The following THSD4 variants were observed in gnomAD, a reference collection of about 807,000 sequenced individuals.
THSD4 encodes the protein thrombospondin type 1 domain containing 4.
In THSD4, 69 loss-of-function variants were observed where a neutral mutation model predicts 119.0. That is an observed-to-expected ratio of 0.58 (90% confidence interval 0.48 to 0.71). The LOEUF is 0.71. Ranked by LOEUF, THSD4 falls within the 30% of genes least tolerant of loss-of-function variation. The pLI is 0.00. For missense variants in THSD4, 1,393 were observed against 1,391.1 expected (o/e 1.00, Z -0.02); for synonymous variants, 524 against 540.4 (o/e 0.97, Z 0.42).
At chr15:71,660,823 G>A (rs892071256) in intron 8 of THSD4, 89 bp downstream of exon 8, 58 of 1,458,152 alleles carry the variant, frequency 4.0e-5, no homozygotes, top group Middle Eastern at 2.1e-4. Flanking sequence ...AGCAGTGTCC[G>A]AGAGTCCCGG....
intron 7 of THSD4, among the ~76,000 whole-genome samples, chr15:71,490,120 G>A (rs560557038): frequency 6.6e-6 from 1 of 152,184 alleles, no homozygotes; most frequent in East Asian, 1.9e-4. Context: ...AGGCATTCAG[G>A]TGATTCTACT....
intron 8 of THSD4, among the ~76,000 whole-genome samples, chr15:71,723,530 T>C (rs181752440): frequency 3.0e-4 from 46 of 152,342 alleles, no homozygotes; most frequent in African/African-American, 1.1e-3. Flanking sequence ...ATTCAATTCT[T>C]ACTATGTGGT....
intron 7 of THSD4, among the ~76,000 whole-genome samples, chr15:71,501,907 A>G (rs2048118103): frequency 6.6e-6 from 1 of 152,218 alleles, no homozygotes; most frequent in South Asian, 2.1e-4. Flanking sequence ...TGCATGTTAC[A>G]TAATTTCTGC....
At chr15:71,452,595 TA>T (rs1194535328) in intron 7 of THSD4, among the ~76,000 whole-genome samples, 1 of 151,932 alleles carries the variant, frequency 6.6e-6, no homozygotes, top group African/African-American at 2.4e-5. Flanking sequence ...ATGGGGCCTT[TA>T]GGAGGTAAAT....
At chr15:71,203,341 G>C (rs1313658381) in intron 3 of THSD4, among the ~76,000 whole-genome samples, 3 of 152,160 alleles carry the variant, frequency 2.0e-5, no homozygotes, top group African/African-American at 7.2e-5. Context: ...GAGTAACACA[G>C]TAGGGCTAGG....
intron 6 of THSD4, among the ~76,000 whole-genome samples, chr15:71,282,588 A>G (rs2044666203): frequency 6.6e-6 from 1 of 152,252 alleles, no homozygotes; most frequent in South Asian, 2.1e-4. Flanking sequence ...ACATAGGCCA[A>G]CACCCACAGT....
At chr15:71,362,441 A>G (rs751930395) in intron 6 of THSD4, among the ~76,000 whole-genome samples, 3 of 152,224 alleles carry the variant, frequency 2.0e-5, no homozygotes, top group African/African-American at 4.8e-5. Context: ...TACCACTACA[A>G]GCTTCTTTAA....
intron 7 of THSD4, among the ~76,000 whole-genome samples, chr15:71,489,770 A>C (rs2047884837): frequency 6.6e-6 from 1 of 152,198 alleles, no homozygotes. Context: ...AGACGGGAGA[A>C]TGCTGACTTA....
At chr15:71,602,332 T>G (rs983061859) in intron 7 of THSD4, among the ~76,000 whole-genome samples, 12 of 152,068 alleles carry the variant, frequency 7.9e-5, no homozygotes, top group African/African-American at 2.4e-4. Context: ...GATGGGCAGA[T>G]CACCTGAGGT....
At chr15:71,204,326 G>C (rs2043826913) in intron 3 of THSD4, among the ~76,000 whole-genome samples, 1 of 152,144 alleles carries the variant, frequency 6.6e-6, no homozygotes, top group South Asian at 2.1e-4. Context: ...GTTTTGGCTG[G>C]GCCCTGCTTT....
At chr15:71,692,557 G>A (rs1223956799) in intron 8 of THSD4, among the ~76,000 whole-genome samples, 5 of 152,152 alleles carry the variant, frequency 3.3e-5, no homozygotes, top group African/African-American at 1.2e-4. Flanking sequence ...TCAGGAGCTG[G>A]CCAGGGTGAC....
intron 3 of THSD4, among the ~76,000 whole-genome samples, chr15:71,173,323 A>C (rs919185128): frequency 6.6e-6 from 1 of 152,114 alleles, no homozygotes; most frequent in African/African-American, 2.4e-5. Context: ...CAAGGAGGTG[A>C]AAACTTGTAT....
chr15:71,455,930 G>A (rs1284807119), intron 7 of THSD4, among the ~76,000 whole-genome samples: 3 of 152,148 alleles, frequency 2.0e-5, no homozygotes, highest in Non-Finnish European at 4.4e-5. Flanking sequence ...GCCCCGTTGA[G>A]GTCAGTTTCC....
chr15:71,728,442 C>T lies in THSD4; in HGVS notation c.1358-107C>T, dbSNP rs2052906566. On this transcript the variant is annotated intron_variant, in intron 8 of 17. Coordinates refer to ENST00000261862, the MANE Select transcript of THSD4 (RefSeq NM_024817.3). ...ATCATTGCCTGGCACATAGTGGATC[C>T]TGTCAAAAACCTTGATGAATGAAGA... 3.7e-6 allele frequency: 5 copies of T among 1,348,490 alleles called. 1 individual carries two copies. Among genetic ancestry groups the T allele is most frequent in the Non-Finnish European group, 5.1e-6 (5 of 974,028 alleles). 83.5% of individuals were successfully genotyped at this position (1,348,490 alleles called of 1,614,324 possible). A position where few individuals can be genotyped will look rare whatever the true frequency, so the allele number is the denominator to read the frequency against.
At chr15:71,133,012 G>A (rs182867709) in intron 1 of THSD4, among the ~76,000 whole-genome samples, 2 of 152,336 alleles carry the variant, frequency 1.3e-5, no homozygotes, top group East Asian at 1.9e-4. Context: ...TCATCATCTC[G>A]GAGAAAGGGC....
intron 7 of THSD4, among the ~76,000 whole-genome samples, chr15:71,485,646 C>G (rs1366963804): frequency 6.6e-6 from 1 of 151,958 alleles, no homozygotes; most frequent in East Asian, 1.9e-4. Context: ...CTTTCTCTTG[C>G]CCTCTACAGA....
chr15:71,597,496 C>T (rs999997712), intron 7 of THSD4, among the ~76,000 whole-genome samples: 5 of 152,164 alleles, frequency 3.3e-5, no homozygotes, highest in Admixed American at 6.5e-5. Flanking sequence ...CTATAGACAA[C>T]ATACATTATA....
chr15:71,653,995 G>A (rs2051141702), intron 7 of THSD4, among the ~76,000 whole-genome samples: 1 of 152,152 alleles, frequency 6.6e-6, no homozygotes, highest in Non-Finnish European at 1.5e-5. Context: ...TTAGACCAGG[G>A]ATTGGCAATT....
rs374150323 is a variant in THSD4 at position 71,771,131 on chromosome 15, T to G, written c.2837T>G (p.Leu946Arg). 1.2e-6 allele frequency: 2 copies of G among 1,614,084 alleles called. No homozygotes were observed. Among genetic ancestry groups the G allele is most frequent in the African/African-American group, 2.7e-5 (2 of 74,932 alleles). The change falls in exon 17 of 18, where the codon CTA becomes CGA. Residue 946 changes from leucine to arginine, a missense_variant. By Grantham distance (102) the Leu-to-Arg change is moderately radical. Coordinates refer to ENST00000261862, the MANE Select transcript of THSD4 (RefSeq NM_024817.3). ...EVRCLSDDMTLSNLCDPQLKP... is the reference protein window; with the variant it reads ...EVRCLSDDMTRSNLCDPQLKP... ...CGGTGTCTGTCTGATGACATGACTC[T>G]AAGTAACCTCTGTGACCCTCAGTTG...
Sources: allele counts gnomAD v4.1 joint callset (sites outside exome capture counted in the v4.1 genomes callset), GRCh38; gene constraint gnomAD v4.1.1; transcripts MANE v1.5; gene names NCBI Gene and HGNC (gene_info 2026-07-23, HGNC 2026-07-21).